The following LINGO2 variants were observed in gnomAD, a reference collection of about 807,000 sequenced individuals.
LINGO2 encodes leucine rich repeat and Ig domain containing 2.
LINGO2 carries 14 observed loss-of-function variants against 30.6 expected under a neutral mutation model. The ratio of observed to expected loss-of-function variants is 0.46; its 90% CI spans 0.30 to 0.72. The LOEUF is 0.72. LINGO2 is among the 30% of genes least tolerant of loss of function. The pLI, the probability that LINGO2 is intolerant of heterozygous loss-of-function variation, is 0.07. For missense variants in LINGO2, 729 were observed against 751.7 expected, an observed-to-expected ratio of 0.97 and a Z score of 0.35; for synonymous variants, 317 against 288.5, an observed-to-expected ratio of 1.10 and a Z score of -1.00.
chr9:28,876,538 A>T, the LINGO2 span, among the ~76,000 whole-genome samples: 1 of 152,118 alleles, frequency 6.6e-6, no homozygotes, highest in Non-Finnish European at 1.5e-5. Context: ...ACTGAGAATG[A>T]TGATATCCAA....
intron 4 of LINGO2, among the ~76,000 whole-genome samples, chr9:28,057,677 C>A (rs1373374659): frequency 1.8e-5 from 2 of 110,062 alleles, no homozygotes; most frequent in Non-Finnish European, 4.2e-5. Flanking sequence ...TCTTCTTCAT[C>A]CACTTTACAA....
intron 4 of LINGO2, among the ~76,000 whole-genome samples, chr9:28,282,796 A>C (rs1187375868): frequency 6.6e-6 from 1 of 152,162 alleles, no homozygotes; most frequent in African/African-American, 2.4e-5. Context: ...TCAGTGCTTC[A>C]GATTTGCTAG....
intron 3 of LINGO2, among the ~76,000 whole-genome samples, chr9:28,359,223 T>C (rs965937471): frequency 3.9e-5 from 6 of 152,170 alleles, no homozygotes; most frequent in African/African-American, 1.4e-4. Flanking sequence ...AAAGTCCCCC[T>C]GAGTTCCTGT....
chr9:28,033,560 C>CAA (rs1823785381), intron 4 of LINGO2, among the ~76,000 whole-genome samples: 1 of 152,004 alleles, frequency 6.6e-6, no homozygotes, highest in African/African-American at 2.4e-5. Flanking sequence ...GTAAACACAC[C>CAA]AAAATGTCAA....
intron 3 of LINGO2, among the ~76,000 whole-genome samples, chr9:28,328,370 G>A (rs1052173545): frequency 2.0e-5 from 3 of 152,148 alleles, no homozygotes; most frequent in African/African-American, 7.2e-5. Flanking sequence ...AGAGTTGGTT[G>A]TGAAGCAAAA....
chr9:28,046,978 C>A (rs764120758), intron 4 of LINGO2, among the ~76,000 whole-genome samples: 2 of 152,096 alleles, frequency 1.3e-5, no homozygotes, highest in Non-Finnish European at 2.9e-5. Context: ...GAGAAAGCAT[C>A]CTGGCTGCAA....
chr9:29,121,494 G>A, the LINGO2 span, among the ~76,000 whole-genome samples: 1 of 151,962 alleles, frequency 6.6e-6, no homozygotes, highest in African/African-American at 2.4e-5. Context: ...AAAACATTTT[G>A]TGTCAATTTT....
chr9:28,657,782 A>G (rs2135998026), intron 1 of LINGO2, among the ~76,000 whole-genome samples: 1 of 151,650 alleles, frequency 6.6e-6, no homozygotes, highest in South Asian at 2.1e-4. Context: ...TTATTTTCTT[A>G]CTTCTAGATT....
the LINGO2 span, among the ~76,000 whole-genome samples, chr9:29,070,688 T>A: frequency 0.2 from 29,721 of 151,314 alleles, 3,066 homozygotes; most frequent in African/African-American, 0.24. Flanking sequence ...TTAATGTGAG[T>A]TTTCTCTCAA....
At chr9:28,855,455 T>C in the LINGO2 span, among the ~76,000 whole-genome samples, 1 of 152,046 alleles carries the variant, frequency 6.6e-6, no homozygotes, top group Admixed American at 6.6e-5. Context: ...TTAGTCTTTA[T>C]AAAATGCAGA....
chr9:28,770,133 G>A, the LINGO2 span, among the ~76,000 whole-genome samples: 1 of 152,038 alleles, frequency 6.6e-6, no homozygotes, highest in South Asian at 2.1e-4. Flanking sequence ...TTCAGCATGG[G>A]GTGCTGTCAG....
chr9:28,346,703 T>C (rs1364356149), intron 3 of LINGO2, among the ~76,000 whole-genome samples: 2 of 151,986 alleles, frequency 1.3e-5, no homozygotes, highest in Non-Finnish European at 2.9e-5. Flanking sequence ...AGCATGTTAT[T>C]TTTGATTTTT....
chr9:29,005,364 A>G, the LINGO2 span, among the ~76,000 whole-genome samples: 1 of 151,900 alleles, frequency 6.6e-6, no homozygotes, highest in African/African-American at 2.4e-5. Flanking sequence ...GAGAAGATAC[A>G]TAGATTAATA....
At chr9:28,058,219 G>A (rs1825020582) in intron 4 of LINGO2, among the ~76,000 whole-genome samples, 1 of 152,124 alleles carries the variant, frequency 6.6e-6, no homozygotes, top group Admixed American at 6.6e-5. Flanking sequence ...TCTTTTGGCA[G>A]TCTCAAGATG....
chr9:28,119,065 A>T (rs1162160270), intron 4 of LINGO2, among the ~76,000 whole-genome samples: 2 of 148,346 alleles, frequency 1.3e-5, no homozygotes, highest in East Asian at 2.0e-4. Flanking sequence ...TAAAAAAAAA[A>T]TGTGTTTTTA....
the LINGO2 span, among the ~76,000 whole-genome samples, chr9:29,030,128 G>A: frequency 6.6e-6 from 1 of 152,026 alleles, no homozygotes; most frequent in South Asian, 2.1e-4. Flanking sequence ...ATTGAATTGA[G>A]TCCTATTTTA....
At chr9:28,561,267 A>G (rs529836725) in intron 1 of LINGO2, among the ~76,000 whole-genome samples, 109 of 151,984 alleles carry the variant, frequency 7.2e-4, no homozygotes, top group African/African-American at 2.6e-3. Context: ...TGAAGACATC[A>G]TTGGATAGAG....
chr9:28,324,473 A>T (rs759752395), intron 3 of LINGO2, among the ~76,000 whole-genome samples: 5 of 152,196 alleles, frequency 3.3e-5, no homozygotes, highest in Admixed American at 6.5e-5. Context: ...GATGAATAGG[A>T]AGTTGGCACA....
the LINGO2 span, among the ~76,000 whole-genome samples, chr9:28,692,410 G>A: frequency 3.5e-3 from 538 of 152,226 alleles, 7 homozygotes; most frequent in South Asian, 0.021. Context: ...AAGGGTCGGA[G>A]GTTGCAATGA....
Sources: allele counts gnomAD v4.1 joint callset (sites outside exome capture counted in the v4.1 genomes callset), GRCh38; gene constraint gnomAD v4.1.1; transcripts MANE v1.5; gene names NCBI Gene and HGNC (gene_info 2026-07-23, HGNC 2026-07-21).